CCNB1: variants seen among roughly 807,000 people sequenced by gnomAD.
CCNB1 encodes cyclin B1, also known as G2/mitotic-specific cyclin-B1.
Under a neutral mutation model 44.4 loss-of-function variants are expected in CCNB1, and 26 were observed. The observed-to-expected ratio is 0.59, with a 90% CI of 0.43 to 0.81. The LOEUF (loss-of-function observed/expected upper bound fraction) is 0.81, where lower values mean the gene tolerates loss of function less well. CCNB1 is among the 40% of genes least tolerant of loss of function. The pLI is 0.00. For synonymous variants in CCNB1, 195 were observed against 181.4 expected (o/e 1.08, Z -0.60); for missense variants, 477 against 520.9 (o/e 0.92, Z 0.82).
intron 6 of CCNB1, 68 bp downstream of exon 6, chr5:69,175,181 G>T: frequency 8.0e-7 from 1 of 1,244,828 alleles, no homozygotes; most frequent in Non-Finnish European, 1.2e-6. Flanking sequence ...GACCAAGCAC[G>T]TTGAATTCAA....
intron 3 of CCNB1, 91 bp downstream of exon 3, chr5:69,168,434 T>C (rs1472086745): frequency 1.5e-5 from 22 of 1,435,476 alleles, no homozygotes; most frequent in Non-Finnish European, 2.0e-5. Flanking sequence ...TGAATAGTAA[T>C]ATTAATACCA....
chr5:69,172,592 C>T (rs1747488282), intron 4 of CCNB1, among the ~76,000 whole-genome samples: 1 of 151,944 alleles, frequency 6.6e-6, no homozygotes, highest in Non-Finnish European at 1.5e-5. Flanking sequence ...TATGTCATCA[C>T]TGACATGTTC....
rs1339934205 is a variant in CCNB1 at position 69,174,945 on chromosome 5, T to C, written c.774T>C (p.Tyr258=). 1.9e-6 allele frequency: 3 copies of C among 1,614,020 alleles called. No homozygotes were observed. The highest frequency in any genetic ancestry group is 2.2e-5 in the East Asian group (1 of 44,892). The stretch of plus-strand genomic sequence containing the variant: ...CTGCCATGTTTATTGCAAGCAAATA[T>C]GAAGAAATGTACCCTCCAGAAATTG... ...GVTAMFIASK[Y]EEMYPPEIGD... is the part of the protein sequence containing the mutation. Residue 258 remains tyrosine, a synonymous_variant, in exon 6 of 9, where the codon TAT becomes TAC. Transcript: ENST00000256442.
chr5:69,174,049 G>A (rs1490698601), intron 4 of CCNB1, among the ~76,000 whole-genome samples: 5 of 152,244 alleles, frequency 3.3e-5, no homozygotes, highest in South Asian at 4.2e-4. Flanking sequence ...GATTACAGGC[G>A]TGAGCCACCA....
intron 3 of CCNB1, among the ~76,000 whole-genome samples, chr5:69,170,561 A>G (rs1394931155): frequency 6.6e-6 from 1 of 152,166 alleles, no homozygotes; most frequent in East Asian, 1.9e-4. Context: ...ATAAAAATTA[A>G]TTACTTCTCA....
intron 6 of CCNB1, 59 bp downstream of exon 6, chr5:69,175,172 A>C (rs112165833): frequency 7.7e-7 from 1 of 1,295,292 alleles, no homozygotes; most frequent in East Asian, 2.3e-5. Context: ...ACTGCTGCTG[A>C]CCAAGCACGT....
intron 3 of CCNB1, among the ~76,000 whole-genome samples, chr5:69,170,430 G>A (rs923924597): frequency 6.6e-6 from 1 of 152,192 alleles, no homozygotes; most frequent in African/African-American, 2.4e-5. Context: ...TGGCGATGAA[G>A]TTAGTTAATC....
chr5:69,175,674 T>G (rs1561315318), intron 7 of CCNB1, 137 bp downstream of exon 7: 1 of 856,152 alleles, frequency 1.2e-6, no homozygotes, highest in Non-Finnish European at 1.8e-6. Flanking sequence ...AAAGATGTCT[T>G]AGAATGTTTC....
chr5:69,177,695 A>C lies in CCNB1; in HGVS notation c.*64A>C. On this transcript the variant is annotated 3_prime_UTR_variant, in exon 9 of 9. Transcript: ENST00000256442. Reference sequence around the variant, plus strand: ...AATTGGCACCATGTGCCATCTGTACATATTACTGTTGCATTTACTTTTAAT... The same window carrying C: ...AATTGGCACCATGTGCCATCTGTACCTATTACTGTTGCATTTACTTTTAAT... The C allele has an allele frequency of 3.2e-6, 3 of 926,294 alleles. No homozygotes were observed. The South Asian group carries it at 4.3e-5, about 13-fold the overall frequency. 57.4% of individuals were successfully genotyped at this position (926,294 alleles called of 1,614,324 possible). A position where few individuals can be genotyped will look rare whatever the true frequency, so the allele number is the denominator to read the frequency against.
In CCNB1 at chr5:69,174,858, A is replaced by T; in HGVS notation, c.706-19A>T. 6.3e-7 allele frequency: 1 copy of T among 1,588,228 alleles called. No homozygotes were observed. Among genetic ancestry groups the T allele is most frequent in the Non-Finnish European group, 8.6e-7 (1 of 1,156,444 alleles). ...CCTTTTCAAACATTTTATTCACCCT[A>T]TTGAAATTCCCATTGCAGAATAATT... On this transcript the variant is annotated intron_variant, in intron 5 of 8. Transcript: ENST00000256442.
intron 6 of CCNB1, 65 bp downstream of exon 6, chr5:69,175,178 C>A: frequency 1.6e-6 from 2 of 1,257,458 alleles, no homozygotes; most frequent in African/African-American, 1.5e-5. Flanking sequence ...GCTGACCAAG[C>A]ACGTTGAATT....
intron 5 of CCNB1, 145 bp from the exon 6 acceptor site, chr5:69,174,731 CT>C (rs1747543262): frequency 4.0e-6 from 3 of 746,804 alleles, no homozygotes; most frequent in Non-Finnish European, 6.8e-6. Flanking sequence ...AAGAAATAAA[CT>C]GACTTTTTCA....
chr5:69,167,940 G>A lies in CCNB1; in HGVS notation c.54G>A (p.Lys18=), dbSNP rs1263069432. 1.2e-6 allele frequency: 2 copies of A among 1,612,254 alleles called. No individual in the cohort carries two copies. The highest frequency in any genetic ancestry group is 4.5e-5 in the East Asian group (2 of 44,890). ...AAATTAATGCTGAAAATAAGGCGAAGATCAACATGGCAGGCGCAAAGCGCG... is the reference window on the plus strand; with the variant it reads ...AAATTAATGCTGAAAATAAGGCGAAAATCAACATGGCAGGCGCAAAGCGCG... ...NSKINAENKA[K]INMAGAKRVP... Residue 18 remains lysine, a synonymous_variant, in exon 2 of 9, where the codon AAG becomes AAA. Transcript: ENST00000256442.
Position 69,174,897 on chromosome 5 carries a change from G to C in CCNB1, c.726G>C (p.Lys242Asn). 1.2e-6 allele frequency: 2 copies of C among 1,613,972 alleles called. No homozygotes were observed. Among genetic ancestry groups the C allele is most frequent in the Non-Finnish European group, 1.7e-6 (2 of 1,179,890 alleles). Residue 242 changes from lysine (K) to asparagine (N), a missense_variant, in exon 6 of 9, where the codon AAG (lysine) becomes AAC (asparagine). Physicochemically the swap from Lys to Asn is moderately conservative, Grantham distance 94. Coordinates refer to ENST00000256442, the MANE Select transcript of CCNB1 (RefSeq NM_031966.4). Reference protein sequence around the residue: ...RFMQNNCVPKKMLQLVGVTAM... With the variant: ...RFMQNNCVPKNMLQLVGVTAM... ...TGCAGAATAATTGTGTGCCCAAGAA[G>C]ATGCTGCAGCTGGTTGGTGTCACTG...
intron 4 of CCNB1, among the ~76,000 whole-genome samples, chr5:69,173,582 TA>T (rs1747509692): frequency 1.3e-5 from 2 of 152,142 alleles, no homozygotes; most frequent in Non-Finnish European, 2.9e-5. Context: ...CCCTGGGAGT[TA>T]CTGATATTTT....
intron 3 of CCNB1, 86 bp downstream of exon 3, chr5:69,168,429 A>G: frequency 6.8e-7 from 1 of 1,464,768 alleles, no homozygotes; most frequent in South Asian, 1.2e-5. Context: ...TCAAATGAAT[A>G]GTAATATTAA....
intron 4 of CCNB1, among the ~76,000 whole-genome samples, chr5:69,172,769 C>CTTTT (rs922322066): frequency 9.3e-5 from 9 of 96,786 alleles, no homozygotes; most frequent in Non-Finnish European, 1.6e-4. Context: ...TGTGCTGTTT[C>CTTTT]TTTTTTTTTT....
At chr5:69,169,799 A>AT (rs1747419368) in intron 3 of CCNB1, among the ~76,000 whole-genome samples, 1 of 151,868 alleles carries the variant, frequency 6.6e-6, no homozygotes, top group African/African-American at 2.4e-5. Flanking sequence ...CTACAGGCAC[A>AT]TGCCACCATG....
In CCNB1 at chr5:69,175,124, C is replaced by G. The variant is rs759378255; in HGVS notation, c.942+11C>G. The G allele has an allele frequency of 1.3e-6, 2 of 1,575,112 alleles. No individual in the cohort carries two copies. Among genetic ancestry groups the G allele is most frequent in the Non-Finnish European group, 1.7e-6 (2 of 1,145,778 alleles). On this transcript the variant is annotated intron_variant, in intron 6 of 8. Coordinates refer to ENST00000256442, the MANE Select transcript of CCNB1 (RefSeq NM_031966.4). ...TCTAAGATTGGAGAGGTACAGGTTT[C>G]TTGAGAAACCTCTCCGTATGGGTAC...
Sources: allele counts gnomAD v4.1 joint callset (sites outside exome capture counted in the v4.1 genomes callset), GRCh38; gene constraint gnomAD v4.1.1; transcripts MANE v1.5; gene names NCBI Gene and HGNC (gene_info 2026-07-23, HGNC 2026-07-21).